Variants in SYN3 observed in about 807,000 individuals in gnomAD.
SYN3 encodes the protein synapsin-3.
In SYN3, 35 loss-of-function variants were observed where a neutral mutation model predicts 65.8. The ratio of observed to expected loss-of-function variants is 0.53; its 90% CI spans 0.41 to 0.70. SYN3 has a LOEUF of 0.70. Among genes scored for constraint, SYN3 ranks in the 30% least tolerant of loss-of-function variants. The pLI is 0.00. For synonymous variants in SYN3, 270 were observed against 292.9 expected, an observed-to-expected ratio of 0.92 and a Z score of 0.80; for missense variants, 680 against 749.0, an observed-to-expected ratio of 0.91 and a Z score of 1.08.
intron 4 of SYN3, among the ~76,000 whole-genome samples, chr22:32,915,396 C>T (rs1257478989): frequency 1.3e-5 from 2 of 152,100 alleles, no homozygotes; most frequent in African/African-American, 2.4e-5. Context: ...ATTCTGGTGC[C>T]AGAGGTTGGG....
chr22:32,960,711 G>T (rs969903720), intron 3 of SYN3, among the ~76,000 whole-genome samples: 11 of 152,186 alleles, frequency 7.2e-5, no homozygotes, highest in Non-Finnish European at 1.6e-4. Context: ...CTGGGTTGCC[G>T]GGTACAAAGC....
At chr22:32,767,120 C>G (rs10854629) in intron 6 of SYN3, among the ~76,000 whole-genome samples, 1 of 152,060 alleles carries the variant, frequency 6.6e-6, no homozygotes, top group African/African-American at 2.4e-5. Context: ...TACTGCGCAT[C>G]AGGGATGCTA....
intron 12 of SYN3, among the ~76,000 whole-genome samples, chr22:32,523,813 C>T (rs184424255): frequency 3.3e-5 from 5 of 152,172 alleles, no homozygotes; most frequent in African/African-American, 1.2e-4. Context: ...AGGCCTCTTG[C>T]ACCAGAAAGT....
Position 33,006,580 on chromosome 22 carries a change from G to T in SYN3, c.83C>A (p.Pro28Gln), listed in dbSNP as rs936532532. Residue 28 changes from proline to glutamine, a missense_variant, in exon 2 of 14, where the codon CCA becomes CAA. Pro to Gln is a moderately conservative substitution (Grantham distance 76, BLOSUM62 -1). Coordinates refer to ENST00000358763, the MANE Select transcript of SYN3 (RefSeq NM_003490.4). ...PNGYMTDLQR[P>Q]DSSTSSPASP... ...AGCAGGTGAGCTGGTGGAGCTATCT[G>T]GGCGTTGCAGGTCCGTCATATAGCC... 1.9e-6 allele frequency: 3 copies of T among 1,614,096 alleles called. No individual in the cohort carries two copies. Among genetic ancestry groups the T allele is most frequent in the Non-Finnish European group, 2.5e-6 (3 of 1,179,986 alleles).
intron 6 of SYN3, among the ~76,000 whole-genome samples, chr22:32,603,570 C>T (rs1482991329): frequency 1.3e-5 from 2 of 151,620 alleles, no homozygotes; most frequent in African/African-American, 2.4e-5. Context: ...GAAAACACAG[C>T]CCTTTGCCCG....
At chr22:32,775,184 T>C (rs1200296834) in intron 6 of SYN3, among the ~76,000 whole-genome samples, 2 of 152,146 alleles carry the variant, frequency 1.3e-5, no homozygotes, top group Non-Finnish European at 2.9e-5. Flanking sequence ...TTGGTGTGCA[T>C]GCAGGAGTGT....
intron 4 of SYN3, among the ~76,000 whole-genome samples, chr22:32,901,096 C>T (rs1362727771): frequency 6.6e-6 from 1 of 152,192 alleles, no homozygotes; most frequent in Non-Finnish European, 1.5e-5. Context: ...TAGCTGGGTA[C>T]TGGGAGCACA....
intron 7 of SYN3, among the ~76,000 whole-genome samples, chr22:32,545,460 C>T (rs989936227): frequency 6.6e-6 from 1 of 152,180 alleles, no homozygotes; most frequent in African/African-American, 2.4e-5. Flanking sequence ...GGCAGGCGCC[C>T]TCTGGGAACC....
intron 6 of SYN3, among the ~76,000 whole-genome samples, chr22:32,616,370 G>C (rs540084645): frequency 6.6e-6 from 1 of 152,166 alleles, no homozygotes; most frequent in Non-Finnish European, 1.5e-5. Context: ...TGCTAAGGAC[G>C]GACATGTCTC....
chr22:32,936,745 A>T (rs1307488899), intron 3 of SYN3, among the ~76,000 whole-genome samples: 1 of 152,180 alleles, frequency 6.6e-6, no homozygotes, highest in East Asian at 1.9e-4. Context: ...GGCCAACAGC[A>T]TGCTCTGGAT....
chr22:32,672,994 C>T lies in SYN3; in HGVS notation c.712-76258G>A, dbSNP rs544562146. Among the ~76,000 whole-genome samples the T allele has an allele frequency of 2.6e-5, 4 of 152,324 alleles. No homozygotes were observed. The South Asian group carries it at 6.2e-4, about 24-fold the overall frequency. ...GCACCTGGTTAGGACGAAGCCCAAT[C>T]CCCTTTGGAGGGCCCCAGATGGGGT... On this transcript the variant is annotated intron_variant, in intron 6 of 13. Coordinates refer to ENST00000358763, the MANE Select transcript of SYN3 (RefSeq NM_003490.4).
chr22:32,741,815 T>A (rs1381924681), intron 6 of SYN3, among the ~76,000 whole-genome samples: 1 of 152,212 alleles, frequency 6.6e-6, no homozygotes, highest in Non-Finnish European at 1.5e-5. Context: ...AACTAGTATC[T>A]TCCCAAACAT....
Position 32,724,793 on chromosome 22 carries a change from A to G in SYN3, c.712-128057T>C, listed in dbSNP as rs186846140. On this transcript the variant is annotated intron_variant, in intron 6 of 13. Transcript: ENST00000358763. The stretch of plus-strand genomic sequence containing the variant: ...CTGGCATCCTGAAAAACCTGGCCCC[A>G]GGGAGGAGAGGGCTGCTGAGAGGAG... 9.3e-4 allele frequency among the ~76,000 whole-genome samples: 141 copies of G among 152,238 alleles called. 3 individuals are homozygous for G. The East Asian group carries it at 0.025, about 27-fold the overall frequency.
At chr22:32,683,245 G>A (rs1295940377) in intron 6 of SYN3, among the ~76,000 whole-genome samples, 1 of 152,026 alleles carries the variant, frequency 6.6e-6, no homozygotes, top group Non-Finnish European at 1.5e-5. Flanking sequence ...GAGCGGGGTG[G>A]GGGGCAGTGC....
chr22:33,053,955 A>G (rs973963891), intron 1 of SYN3, among the ~76,000 whole-genome samples: 1 of 152,220 alleles, frequency 6.6e-6, no homozygotes, highest in Non-Finnish European at 1.5e-5. Flanking sequence ...AAATGGCATC[A>G]CACTGAGATG....
At chr22:32,802,230 G>GCAGA in intron 6 of SYN3, 1 of 1,460,172 alleles carries the variant, frequency 6.8e-7, no homozygotes, top group Non-Finnish European at 9.1e-7. Context: ...CAGGAGAGGG[G>GCAGA]CAGACGGGGT....
chr22:32,547,295 T>G (rs1346759039), intron 7 of SYN3, among the ~76,000 whole-genome samples: 1 of 152,084 alleles, frequency 6.6e-6, no homozygotes, highest in Non-Finnish European at 1.5e-5. Flanking sequence ...ACTCTTCCTT[T>G]TGCTTTTAAT....
chr22:32,513,560 T>G lies in SYN3; in HGVS notation c.*132A>C, dbSNP rs2057719701. ...CAAATATAGATAATCGGTTCCTGGG[T>G]CAAAGGCATTTAGAAAGTATGTTCT... On this transcript the variant is annotated 3_prime_UTR_variant, in exon 14 of 14. Coordinates refer to ENST00000358763, the MANE Select transcript of SYN3 (RefSeq NM_003490.4). 17 of 1,214,768 alleles carry G rather than the reference T, an allele frequency of 1.4e-5. No individual in the cohort carries two copies. Among genetic ancestry groups the G allele is most frequent in the Non-Finnish European group, 1.8e-5 (16 of 875,494 alleles). 75.2% of individuals were successfully genotyped at this position (1,214,768 alleles called of 1,614,324 possible).
At chr22:32,666,781 T>C (rs2060295157) in intron 6 of SYN3, among the ~76,000 whole-genome samples, 1 of 152,236 alleles carries the variant, frequency 6.6e-6, no homozygotes, top group Non-Finnish European at 1.5e-5. Context: ...TAATTGCTTA[T>C]TTGTCTGTCT....
Sources: gnomAD v4.1 joint callset for allele counts (sites outside exome capture counted in the v4.1 genomes callset) on GRCh38, gnomAD v4.1.1 for gene constraint, MANE v1.5 for transcripts, NCBI Gene and HGNC (gene_info 2026-07-23, HGNC 2026-07-21) for gene names.